Variants in FOXP4 observed in about 807,000 individuals in gnomAD.
FOXP4 encodes forkhead box P4.
FOXP4 carries 25 observed loss-of-function variants against 82.6 expected under a neutral mutation model. The observed-to-expected ratio is 0.30, with a 90% CI of 0.22 to 0.42. The LOEUF is 0.42. Ranked by LOEUF, FOXP4 falls within the 10% of genes least tolerant of loss-of-function variation. The pLI is 1.00. For synonymous variants in FOXP4, 415 were observed against 388.2 expected (o/e 1.07, Z -0.81); for missense variants, 785 against 900.9 (o/e 0.87, Z 1.65).
chr6:41,599,020 C>T lies in FOXP4; in HGVS notation c.*84C>T. ...CATCTCCCCCAACTCCACAGCCCCT[C>T]CCGAGCCTCAAGGCAAGTCCAGGAC... On this transcript the variant is annotated 3_prime_UTR_variant, in exon 17 of 17. Transcript: ENST00000307972. 1.4e-6 allele frequency: 2 copies of T among 1,450,008 alleles called. No homozygotes were observed. The highest frequency in any genetic ancestry group is 5.7e-5 in the Admixed American group (2 of 35,220). The allele number at this position is 1,450,008 out of a possible 1,614,324, so 89.8% of individuals were successfully genotyped here.
intron 5 of FOXP4, among the ~76,000 whole-genome samples, 185 bp from the exon 6 acceptor site, chr6:41,586,824 T>C (rs1175468540): frequency 6.6e-6 from 1 of 152,188 alleles, no homozygotes; most frequent in Non-Finnish European, 1.5e-5. Context: ...GTGTGTTTAC[T>C]GCGAGGAGGC....
intron 3 of FOXP4, among the ~76,000 whole-genome samples, chr6:41,583,497 G>A (rs57076852): frequency 0.019 from 2,844 of 152,328 alleles, 80 homozygotes; most frequent in African/African-American, 0.064. Flanking sequence ...GGCTAGCCCT[G>A]TAACCTTCCC....
chr6:41,587,180 T>G (rs948426232), intron 6 of FOXP4, 24 bp downstream of exon 6: 1 of 1,607,294 alleles, frequency 6.2e-7, no homozygotes, highest in Non-Finnish European at 8.5e-7. Flanking sequence ...ACTCCTCCCC[T>G]CCCAGCCCCA....
At chr6:41,576,073 C>G (rs1440931674) in intron 2 of FOXP4, among the ~76,000 whole-genome samples, 1 of 150,192 alleles carries the variant, frequency 6.7e-6, no homozygotes, top group Non-Finnish European at 1.5e-5. Context: ...CCTTCCTCCT[C>G]TTTCCGCAGA....
At chr6:41,592,975 G>A (rs72863007) in intron 13 of FOXP4, among the ~76,000 whole-genome samples, 10,557 of 152,208 alleles carry the variant, frequency 0.069, 395 homozygotes, top group Middle Eastern at 0.11. Flanking sequence ...GAAAGTGAAC[G>A]ACTAAGTGGG....
chr6:41,552,701 G>GGCT (rs1764068422), intron 1 of FOXP4, among the ~76,000 whole-genome samples: 1 of 152,118 alleles, frequency 6.6e-6, no homozygotes, highest in African/African-American at 2.4e-5. Context: ...ACTGCAGCTG[G>GGCT]GCTAGCTCGG....
chr6:41,598,931 T>C lies in FOXP4; in HGVS notation c.2038T>C (p.Ser680Pro), dbSNP rs774923955. The change falls in exon 17 of 17, where the codon TCC becomes CCC. Residue 680 changes from serine to proline, a missense_variant. Transcript: ENST00000307972. Reference sequence around the variant, plus strand: ...GGAGGAGCTGCCGGGAGAAGAACTGTCCTAAGGGCCTGTAGTGACCGGCAG... The same window carrying C: ...GGAGGAGCTGCCGGGAGAAGAACTGCCCTAAGGGCCTGTAGTGACCGGCAG... ...LEEELPGEELS is the reference protein window; with the variant it reads ...LEEELPGEELP 1 of 1,605,382 alleles carries C rather than the reference T, an allele frequency of 6.2e-7. No homozygotes were observed. Among genetic ancestry groups the C allele is most frequent in the Non-Finnish European group, 8.5e-7 (1 of 1,177,278 alleles).
intron 2 of FOXP4, among the ~76,000 whole-genome samples, chr6:41,576,007 C>A (rs1315366783): frequency 6.6e-6 from 1 of 151,672 alleles, no homozygotes. Context: ...GCAGGGGCTC[C>A]TTCCTAATGA....
intron 1 of FOXP4, among the ~76,000 whole-genome samples, chr6:41,561,004 G>A (rs1477006364): frequency 1.3e-5 from 2 of 152,218 alleles, no homozygotes; most frequent in Non-Finnish European, 2.9e-5. Flanking sequence ...GGATGGGGCG[G>A]TCTCCGGCGA....
intron 1 of FOXP4, among the ~76,000 whole-genome samples, chr6:41,552,391 G>A (rs2127308450): frequency 6.6e-6 from 1 of 152,260 alleles, no homozygotes; most frequent in East Asian, 1.9e-4. Context: ...GCTTTTTGAG[G>A]CTGCGTCTCT....
chr6:41,557,141 A>G (rs1764322882), intron 1 of FOXP4, among the ~76,000 whole-genome samples: 1 of 152,054 alleles, frequency 6.6e-6, no homozygotes, highest in South Asian at 2.1e-4. Flanking sequence ...ACCTTAGGGA[A>G]CTCACCCAGA....
At position 41,578,219 on chromosome 6, in the gene FOXP4, A is replaced by G. The variant is rs887345268; in HGVS notation, c.300+138A>G. The G allele has an allele frequency of 7.3e-6, 5 of 687,806 alleles. No individual in the cohort carries two copies. The Admixed American group carries it at 8.0e-5, about 11-fold the overall frequency. The allele number at this position is 687,806 out of a possible 1,614,324, so 42.6% of individuals were successfully genotyped here. A position where few individuals can be genotyped will look rare whatever the true frequency, so the allele number is the denominator to read the frequency against. Reference sequence around the variant, plus strand: ...GTGGGCAACTTTTCAAAGGAAATACAGTCACTGCAGGGGTGGGGCAAAAAG... The same window carrying G: ...GTGGGCAACTTTTCAAAGGAAATACGGTCACTGCAGGGGTGGGGCAAAAAG... On this transcript the variant is annotated intron_variant, in intron 3 of 16. Transcript: ENST00000307972.
At chr6:41,578,166 C>A in intron 3 of FOXP4, 85 bp downstream of exon 3, 1 of 1,141,270 alleles carries the variant, frequency 8.8e-7, no homozygotes, top group Non-Finnish European at 1.3e-6. Flanking sequence ...CGTTGGAGAA[C>A]TGCTCTTGCC....
chr6:41,551,897 C>T lies in FOXP4; in HGVS notation c.-17+5030C>T, dbSNP rs141495490. On this transcript the variant is annotated intron_variant, in intron 1 of 16. Coordinates refer to ENST00000307972, the MANE Select transcript of FOXP4 (RefSeq NM_001012426.2). Reference sequence around the variant, plus strand: ...CTGGTGAAGGGCAGCAGGAGGGACCCGGAGAAGGGGTGGCTCACATGCAAC... The same window carrying T: ...CTGGTGAAGGGCAGCAGGAGGGACCTGGAGAAGGGGTGGCTCACATGCAAC... Among the ~76,000 whole-genome samples the T allele has an allele frequency of 3.5e-3, 535 of 152,202 alleles. 3 individuals carry two copies. Among genetic ancestry groups the T allele is most frequent in the African/African-American group, 0.012 (485 of 41,546 alleles).
intron 1 of FOXP4, among the ~76,000 whole-genome samples, chr6:41,561,285 C>T (rs866051131): frequency 1.3e-5 from 2 of 151,972 alleles, no homozygotes; most frequent in African/African-American, 4.8e-5. Flanking sequence ...CAGACAAATC[C>T]TGGACCTGCC....
Position 41,555,244 on chromosome 6 carries a change from C to T in FOXP4, c.-17+8377C>T, listed in dbSNP as rs115652459. Among the ~76,000 whole-genome samples, 371 of 151,888 alleles carry T rather than the reference C, an allele frequency of 2.4e-3. 2 individuals carry two copies. Among genetic ancestry groups the T allele is most frequent in the African/African-American group, 8.6e-3 (357 of 41,438 alleles). On this transcript the variant is annotated intron_variant, in intron 1 of 16. Coordinates refer to ENST00000307972, the MANE Select transcript of FOXP4 (RefSeq NM_001012426.2). ...AGTCTGAGCGACACAGAGTGAGACC[C>T]TGTCTCAAAAAAAAAAAGAACTGAT...
At chr6:41,596,348 G>C (rs1766832582) in intron 14 of FOXP4, among the ~76,000 whole-genome samples, 1 of 152,130 alleles carries the variant, frequency 6.6e-6, no homozygotes, top group Non-Finnish European at 1.5e-5. Flanking sequence ...AGAGCCCCTG[G>C]GTAAGGAGAG....
chr6:41,591,093 C>T lies in FOXP4; in HGVS notation c.1435-128C>T. ...CACCCATCTTGTTATCCACACATTT[C>T]TGAGCAGGTCTTCTCACAAAGTGAA... On this transcript the variant is annotated intron_variant, in intron 12 of 16. Transcript: ENST00000307972. This position sits in a 1 kb window ranked among gnomAD's most constrained non-coding sequence, Gnocchi z 4.2. 1 of 733,838 alleles carries T rather than the reference C, an allele frequency of 1.4e-6. No individual in the cohort carries two copies. Among genetic ancestry groups the T allele is most frequent in the Non-Finnish European group, 2.4e-6 (1 of 425,390 alleles). The allele number at this position is 733,838 out of a possible 1,614,324, so 45.5% of individuals were successfully genotyped here.
chr6:41,581,444 G>A (rs968828036), intron 3 of FOXP4, among the ~76,000 whole-genome samples: 9 of 152,178 alleles, frequency 5.9e-5, no homozygotes, highest in East Asian at 1.9e-4. Context: ...AGCTGCCGGC[G>A]TTTGGCCCAG....
Sources: gnomAD v4.1 joint callset for allele counts (sites outside exome capture counted in the v4.1 genomes callset) on GRCh38, gnomAD v4.1.1 for gene constraint, Gnocchi (gnomAD v3.1) non-coding constraint, MANE v1.5 for transcripts, NCBI Gene and HGNC (gene_info 2026-07-23, HGNC 2026-07-21) for gene names.